Variants in CYRIA observed in about 807,000 individuals in gnomAD.
The protein encoded by CYRIA is CYFIP-related Rac1 interactor A.
Under a neutral mutation model 43.9 loss-of-function variants are expected in CYRIA, and 15 were observed. The ratio of observed to expected loss-of-function variants is 0.34; its 90% confidence interval spans 0.23 to 0.53. CYRIA has a LOEUF of 0.53. CYRIA is among the 20% of genes least tolerant of loss of function. The pLI is 0.94. For missense variants in CYRIA, 236 were observed against 394.2 expected (o/e 0.60, Z 3.40); for synonymous variants, 117 against 136.0 (o/e 0.86, Z 0.97).
At chr2:16,568,240 A>AAG (rs2103422937) in intron 3 of CYRIA, among the ~76,000 whole-genome samples, 1 of 151,740 alleles carries the variant, frequency 6.6e-6, no homozygotes, top group Non-Finnish European at 1.5e-5. Flanking sequence ...AAAAAAAAAA[A>AAG]AAAAAAAAAC....
chr2:16,620,310 G>A (rs1048910170), intron 2 of CYRIA, among the ~76,000 whole-genome samples: 2 of 152,164 alleles, frequency 1.3e-5, no homozygotes, highest in Admixed American at 1.3e-4. Flanking sequence ...TTAAGTTTTT[G>A]CCAGCCAGTT....
intron 1 of CYRIA, among the ~76,000 whole-genome samples, chr2:16,649,640 TACAGGGCATGATTGTACAGC>T (rs1669916056): frequency 6.6e-6 from 1 of 151,890 alleles, no homozygotes; most frequent in Admixed American, 6.6e-5. Context: ...AGTTGTACAG[TACAGGGCATGATTGTACAGC>T]ACAGGGAACA....
chr2:16,634,182 A>G (rs1056991127), intron 1 of CYRIA, among the ~76,000 whole-genome samples: 2 of 152,230 alleles, frequency 1.3e-5, no homozygotes, highest in African/African-American at 4.8e-5. Flanking sequence ...TCTGAGACTC[A>G]GGCAGAGGTT....
chr2:16,653,274 C>T (rs559728241), intron 1 of CYRIA, among the ~76,000 whole-genome samples: 23 of 152,348 alleles, frequency 1.5e-4, no homozygotes, highest in African/African-American at 5.5e-4. Flanking sequence ...CAGCTCTGGC[C>T]CTGGCCTCCC....
rs1296133337 is a variant in CYRIA, at chr2:16,550,950, T to C, written c.*1986A>G. Reference sequence around the variant, plus strand: ...TGAATATCTCCTAACTTTCCTCACCTGGTATGATCACATATTCTGGCTTCC... The same window carrying C: ...TGAATATCTCCTAACTTTCCTCACCCGGTATGATCACATATTCTGGCTTCC... On this transcript the variant is annotated 3_prime_UTR_variant, in exon 12 of 12. Transcript: ENST00000381323. 2.6e-5 allele frequency: 4 copies of C among 152,164 alleles called. No individual in the cohort carries two copies. Among genetic ancestry groups the C allele is most frequent in the Non-Finnish European group, 1.5e-5 (1 of 68,020 alleles). 9.4% of individuals were successfully genotyped at this position (152,164 alleles called of 1,614,324 possible). A position where few individuals can be genotyped will look rare whatever the true frequency, so the allele number is the denominator to read the frequency against.
At position 16,650,399 on chromosome 2, in the gene CYRIA, A is replaced by G. The variant is rs1381182894; in HGVS notation, c.-167+15381T>C. Among the ~76,000 whole-genome samples the G allele has an allele frequency of 1.3e-5, 2 of 152,250 alleles. No homozygotes were observed. Among genetic ancestry groups the G allele is most frequent in the East Asian group, 3.8e-4 (2 of 5,198 alleles). On this transcript the variant is annotated intron_variant, in intron 1 of 11. Coordinates refer to ENST00000381323, the MANE Select transcript of CYRIA (RefSeq NM_030797.4). This position sits in a 1 kb window ranked among gnomAD's most constrained non-coding sequence, Gnocchi z 4.1. ...TAAAACAAGACTGACTCACTTCAAT[A>G]TAAAAATCTCTGCAAACTGCAGATC...
At chr2:16,620,899 G>T (rs1316962732) in intron 2 of CYRIA, among the ~76,000 whole-genome samples, 1 of 152,160 alleles carries the variant, frequency 6.6e-6, no homozygotes, top group Non-Finnish European at 1.5e-5. Flanking sequence ...CTTGGTTCCT[G>T]CCTGGCTACA....
chr2:16,569,431 T>C (rs986894999), intron 3 of CYRIA, among the ~76,000 whole-genome samples: 1 of 152,210 alleles, frequency 6.6e-6, no homozygotes, highest in Non-Finnish European at 1.5e-5. Flanking sequence ...GGCTTAGAAA[T>C]ATGTTGCCTC....
rs557235579 is a variant in CYRIA, at chr2:16,604,085, T to TTGA, written c.-10-15957_-10-15956insTCA. Among the ~76,000 whole-genome samples, 24 of 152,292 alleles carry TTGA rather than the reference T, an allele frequency of 1.6e-4. No homozygotes were observed. In the East Asian group the frequency reaches 4.6e-3, roughly 29 times the overall value. Reference sequence around the variant, plus strand: ...CCTCTCACGTCGTCAGGCCAGCGCCTTCATCTGCACCTGCTACCTCGCTTT... The same window carrying TTGA: ...CCTCTCACGTCGTCAGGCCAGCGCCTTGATCATCTGCACCTGCTACCTCGCTTT... On this transcript the variant is annotated intron_variant, in intron 2 of 11. Coordinates refer to ENST00000381323, the MANE Select transcript of CYRIA (RefSeq NM_030797.4).
At chr2:16,611,331 C>T (rs1249589713) in intron 2 of CYRIA, among the ~76,000 whole-genome samples, 1 of 152,168 alleles carries the variant, frequency 6.6e-6, no homozygotes, top group Non-Finnish European at 1.5e-5. Context: ...CACCACTGCA[C>T]TCCAGCCTGG....
chr2:16,564,310 T>C (rs1266458281), intron 4 of CYRIA, among the ~76,000 whole-genome samples: 1 of 152,222 alleles, frequency 6.6e-6, no homozygotes, highest in Non-Finnish European at 1.5e-5. Context: ...AATTACATCC[T>C]GTGTCATCTT....
At chr2:16,635,775 T>C (rs2103527803) in intron 1 of CYRIA, among the ~76,000 whole-genome samples, 1 of 152,284 alleles carries the variant, frequency 6.6e-6, no homozygotes, top group Non-Finnish European at 1.5e-5. Flanking sequence ...TAATAGGAGT[T>C]GAAGCGTCTT....
At chr2:16,602,178 T>C (rs1428228646) in intron 2 of CYRIA, among the ~76,000 whole-genome samples, 1 of 152,202 alleles carries the variant, frequency 6.6e-6, no homozygotes, top group Non-Finnish European at 1.5e-5. Flanking sequence ...TCTAAGACAA[T>C]AATACTCATC....
intron 1 of CYRIA, among the ~76,000 whole-genome samples, chr2:16,664,588 T>C (rs545482302): frequency 6.6e-6 from 1 of 152,218 alleles, no homozygotes; most frequent in East Asian, 1.9e-4. Context: ...AGAACTCTGG[T>C]ACCCAAGCCC....
At chr2:16,559,767 A>C (rs949488249) in intron 9 of CYRIA, among the ~76,000 whole-genome samples, 181 bp from the exon 10 acceptor site, 3 of 152,164 alleles carry the variant, frequency 2.0e-5, no homozygotes, top group Non-Finnish European at 4.4e-5. Context: ...AATCTATTCA[A>C]CCAGCAATTC....
chr2:16,649,093 A>G (rs2103545442), intron 1 of CYRIA, among the ~76,000 whole-genome samples: 1 of 152,358 alleles, frequency 6.6e-6, no homozygotes, highest in East Asian at 1.9e-4. Flanking sequence ...AAATAACAAC[A>G]ATAAAGCATA....
chr2:16,554,827 T>C (rs1572450159), intron 11 of CYRIA, among the ~76,000 whole-genome samples: 1 of 152,190 alleles, frequency 6.6e-6, no homozygotes, highest in South Asian at 2.1e-4. Context: ...GTTCAGGTCC[T>C]AGCTTGGCCA....
At chr2:16,575,117 T>C (rs750090639) in intron 3 of CYRIA, among the ~76,000 whole-genome samples, 31 of 152,118 alleles carry the variant, frequency 2.0e-4, no homozygotes, top group Non-Finnish European at 3.7e-4. Flanking sequence ...ATGTGAGACA[T>C]GGAGTCAAAA....
chr2:16,591,913 A>G (rs1160954366), intron 2 of CYRIA, among the ~76,000 whole-genome samples: 3 of 152,040 alleles, frequency 2.0e-5, no homozygotes, highest in African/African-American at 7.2e-5. Flanking sequence ...CACACACACA[A>G]TGACTCCCTT....
Sources: gnomAD v4.1 joint callset for allele counts (sites outside exome capture counted in the v4.1 genomes callset) on GRCh38, gnomAD v4.1.1 for gene constraint, Gnocchi (gnomAD v3.1) non-coding constraint, MANE v1.5 for transcripts, NCBI Gene and HGNC (gene_info 2026-07-23, HGNC 2026-07-21) for gene names.